Variants in TAF1D observed in about 807,000 individuals in gnomAD.
TAF1D encodes the protein TATA-box binding protein associated factor, RNA polymerase I subunit D, also known as TATA box-binding protein-associated factor RNA polymerase I subunit D.
In TAF1D, 23 loss-of-function variants were observed where a neutral mutation model predicts 26.2. That is an observed-to-expected ratio of 0.88 (90% CI 0.63 to 1.25). The LOEUF is 1.25. TAF1D is among the 50% of genes most tolerant of loss of function. The pLI is 0.00. For synonymous variants in TAF1D, 100 were observed against 105.6 expected (o/e 0.95, Z 0.33); for missense variants, 299 against 322.0 (o/e 0.93, Z 0.55).
At chr11:93,731,900 TA>T (rs375542322), downstream of TAF1D, 889 of 394,934 alleles carry the variant, frequency 2.3e-3, 6 homozygotes, top group African/African-American at 0.018. Context: ...ATACAGCACA[TA>T]AAAAAAGTGG....
chr11:93,735,516 CAA>C (rs1940577247), downstream of TAF1D: 1 of 439,910 alleles, frequency 2.3e-6, no homozygotes, highest in East Asian at 1.5e-4. Flanking sequence ...ACTAAAAAAA[CAA>C]AAACTAGCTG....
Position 93,735,605 on chromosome 11 carries a change from T to C in TAF1D, c.*556A>G. Reference sequence around the variant, plus strand: ...ATCGCTTGAACCCGGGAGATGGAGGTTGCAGTAAGCCAAGACTGCGGCCAT... The same window carrying C: ...ATCGCTTGAACCCGGGAGATGGAGGCTGCAGTAAGCCAAGACTGCGGCCAT... On this transcript the variant is annotated 3_prime_UTR_variant, in exon 6 of 6. Transcript: ENST00000448108. The C allele has an allele frequency of 1.3e-6, 1 of 790,876 alleles. No homozygotes were observed. The highest frequency in any genetic ancestry group is 1.5e-6 in the Non-Finnish European group (1 of 648,840). 49.0% of individuals were successfully genotyped at this position (790,876 alleles called of 1,614,324 possible). A position where few individuals can be genotyped will look rare whatever the true frequency, so the allele number is the denominator to read the frequency against.
intron 5 of TAF1D, 188 bp from the exon 6 acceptor site, chr11:93,736,492 A>G: frequency 7.0e-7 from 1 of 1,426,400 alleles, no homozygotes; most frequent in Admixed American, 3.3e-5. Context: ...TCAGAATGCT[A>G]CTTATTAAAA....
In TAF1D at chr11:93,739,853, C is replaced by T. The variant is rs190844153; in HGVS notation, c.-27-522G>A. On this transcript the variant is annotated intron_variant, in intron 1 of 5. Transcript: ENST00000448108. ...GCAACTGAACTTTGTCATATTGTAT[C>T]TTTGCCATTATTGGTGGAAACTGAC... is the stretch of plus-strand genomic sequence containing the variant. Among the ~76,000 whole-genome samples, 1,049 of 145,836 alleles carry T rather than the reference C, an allele frequency of 7.2e-3. 4 individuals carry two copies. Among genetic ancestry groups the T allele is most frequent in the Non-Finnish European group, 0.012 (780 of 67,218 alleles).
chr11:93,731,742 A>AT (rs2135421231), downstream of TAF1D: 1 of 351,224 alleles, frequency 2.8e-6, no homozygotes, highest in East Asian at 7.4e-5. Context: ...TTAAGTAATG[A>AT]ATTAACTTAC....
chr11:93,739,961 C>CAAAAAAAACAA (rs1941501512), intron 1 of TAF1D, among the ~76,000 whole-genome samples: 1 of 82,418 alleles, frequency 1.2e-5, no homozygotes, highest in Non-Finnish European at 2.2e-5. Context: ...TACAACATAC[C>CAAAAAAAACAA]AAAAAAAAAA....
chr11:93,734,237 ACT>A, downstream of TAF1D: 3 of 157,326 alleles, frequency 1.9e-5, no homozygotes, highest in Admixed American at 1.9e-4. Context: ...TTTTAATCAA[ACT>A]CTACATCATT....
chr11:93,740,306 G>A (rs1321696501), intron 1 of TAF1D, among the ~76,000 whole-genome samples: 1 of 151,712 alleles, frequency 6.6e-6, no homozygotes, highest in Non-Finnish European at 1.5e-5. Flanking sequence ...TACTGGCTAG[G>A]TGTGTTGGCC....
chr11:93,733,384 G>C (rs1436875080), downstream of TAF1D: 3 of 518,814 alleles, frequency 5.8e-6, no homozygotes, highest in East Asian at 5.5e-5. Context: ...CAGATGTGTG[G>C]AGTATGCCAA....
chr11:93,733,617 AT>A (rs576600935), downstream of TAF1D: 210 of 497,270 alleles, frequency 4.2e-4, no homozygotes, highest in African/African-American at 2.8e-3. Flanking sequence ...CAAGGTTTTG[AT>A]TTTTTTTTAA....
At position 93,736,791 on chromosome 11, in the gene TAF1D, C is replaced by T. The variant is rs369156642; in HGVS notation, c.636-40G>A. The stretch of plus-strand genomic sequence containing the variant: ...TTTATCATCGAGATGACAGAATCTT[C>T]GATGACCTAATTAGTTGTATATTCC... On this transcript the variant is annotated intron_variant, in intron 4 of 5. Coordinates refer to ENST00000448108, the MANE Select transcript of TAF1D (RefSeq NM_024116.4). 31 of 1,578,100 alleles carry T rather than the reference C, an allele frequency of 2.0e-5. No individual in the cohort carries two copies. The African/African-American group carries it at 2.4e-4, about 12-fold the overall frequency.
chr11:93,731,570 C>T (rs1480213686), downstream of TAF1D: 4 of 518,896 alleles, frequency 7.7e-6, no homozygotes, highest in South Asian at 4.2e-5. Flanking sequence ...ATCATCATAA[C>T]ATCGTTAATA....
chr11:93,739,279 A>G lies in TAF1D; in HGVS notation c.26T>C (p.Leu9Pro). 4 of 1,612,350 alleles carry G rather than the reference A, an allele frequency of 2.5e-6. No individual in the cohort carries two copies. The highest frequency in any genetic ancestry group is 2.5e-6 in the Non-Finnish European group (3 of 1,179,678). Residue 9 changes from leucine to proline, a missense_variant, in exon 2 of 6, where the codon CTT becomes CCT. Leu to Pro is a moderately conservative substitution (Grantham distance 98, BLOSUM62 -3). Transcript: ENST00000448108. MDKSGIDS[L>P]DHVTSDAVEL... is the part of the protein sequence containing the mutation. ...CACAGCATCAGATGTCACATGGTCA[A>G]GAGAATCTATTCCTGATTTATCCAT... is the stretch of plus-strand genomic sequence containing the variant.
downstream of TAF1D, chr11:93,735,439 T>C (rs943163740): frequency 1.7e-5 from 11 of 646,274 alleles, no homozygotes; most frequent in East Asian, 7.6e-4. Flanking sequence ...TCCCAGCATT[T>C]TGGGAGGCCA....
Position 93,738,017 on chromosome 11 carries a change from C to G in TAF1D, c.459+92G>C, listed in dbSNP as rs2135510566. 4 of 1,422,882 alleles carry G rather than the reference C, an allele frequency of 2.8e-6. No individual in the cohort carries two copies. The East Asian group carries it at 9.5e-5, about 34-fold the overall frequency. The allele number at this position is 1,422,882 out of a possible 1,614,324, so 88.1% of individuals were successfully genotyped here. On this transcript the variant is annotated intron_variant, in intron 3 of 5. Coordinates refer to ENST00000448108, the MANE Select transcript of TAF1D (RefSeq NM_024116.4). Reference sequence around the variant, plus strand: ...GTATCAAAATTGCAGACAGTCTGTTCCCAGTATATCTGAGACAATTCTAAA... The same window carrying G: ...GTATCAAAATTGCAGACAGTCTGTTGCCAGTATATCTGAGACAATTCTAAA...
At chr11:93,735,499 T>G (rs905444737), downstream of TAF1D, 7 of 405,246 alleles carry the variant, frequency 1.7e-5, no homozygotes, top group Non-Finnish European at 2.0e-5. Context: ...GGTGAAAGCC[T>G]GTCTCTACTA....
At chr11:93,740,080 G>A (rs536222958) in intron 1 of TAF1D, among the ~76,000 whole-genome samples, 37 of 151,774 alleles carry the variant, frequency 2.4e-4, no homozygotes, top group Non-Finnish European at 3.8e-4. Context: ...AGGTCGAGGC[G>A]GGCGGATCGC....
chr11:93,738,453 A>G lies in TAF1D; in HGVS notation c.115T>C (p.Tyr39His), dbSNP rs758330460. Residue 39 changes from tyrosine to histidine, a missense_variant, in exon 3 of 6, where the codon TAC becomes CAC. By Grantham distance (83) the Tyr-to-His change is moderately conservative. Transcript: ENST00000448108. ...TTTCTTTTCTCCCCTTTAGGTGAGT[A>G]AGGGATACACTGAGTTTTAAATAAG... is the stretch of plus-strand genomic sequence containing the variant. ...SSLFKTQCIP[Y>H]SPKGEKRNPI... is the part of the protein sequence containing the mutation. 3 of 1,602,388 alleles carry G rather than the reference A, an allele frequency of 1.9e-6. No homozygotes were observed. Among genetic ancestry groups the G allele is most frequent in the Admixed American group, 3.5e-5 (2 of 56,698 alleles).
At chr11:93,731,075 A>G (rs1237672694), downstream of TAF1D, 3 of 518,812 alleles carry the variant, frequency 5.8e-6, no homozygotes, top group African/African-American at 1.9e-5. Context: ...GAGAAACTGC[A>G]TTCTAAAAGC....
Sources: allele counts gnomAD v4.1 joint callset (sites outside exome capture counted in the v4.1 genomes callset), GRCh38; gene constraint gnomAD v4.1.1; transcripts MANE v1.5; gene names NCBI Gene and HGNC (gene_info 2026-07-23, HGNC 2026-07-21).